The following AP1B1 variants were observed in gnomAD, a reference collection of about 807,000 sequenced individuals.
AP1B1 encodes AP-1 complex subunit beta-1.
A neutral mutation model predicts 104.3 loss-of-function variants in AP1B1; 36 were observed. The ratio of observed to expected loss-of-function variants is 0.35; its 90% CI spans 0.26 to 0.46. AP1B1 has a LOEUF of 0.46. AP1B1 is among the 20% of genes least tolerant of loss of function. AP1B1 has a pLI of 1.00. For synonymous variants in AP1B1, 504 were observed against 517.5 expected, an observed-to-expected ratio of 0.97 and a Z score of 0.35; for missense variants, 901 against 1,247.9, an observed-to-expected ratio of 0.72 and a Z score of 4.19.
chr22:29,335,635 T>A (rs991950695), intron 16 of AP1B1, among the ~76,000 whole-genome samples: 1 of 152,090 alleles, frequency 6.6e-6, no homozygotes, highest in Admixed American at 6.5e-5. Context: ...GAAATGCAAA[T>A]CTGATCATGG....
At chr22:29,371,136 G>A (rs1044244218) in intron 1 of AP1B1, among the ~76,000 whole-genome samples, 35 of 152,206 alleles carry the variant, frequency 2.3e-4, no homozygotes, top group Admixed American at 1.4e-3. Context: ...GTGATGTACT[G>A]AGGGCAGCTA....
chr22:29,372,620 A>G (rs1262342702), intron 1 of AP1B1, among the ~76,000 whole-genome samples: 1 of 152,054 alleles, frequency 6.6e-6, no homozygotes, highest in African/African-American at 2.4e-5. Context: ...AGGAAAAAAA[A>G]GGGAAGAAGA....
chr22:29,359,173 C>T (rs1393820816), intron 4 of AP1B1, among the ~76,000 whole-genome samples: 1 of 152,250 alleles, frequency 6.6e-6, no homozygotes, highest in Non-Finnish European at 1.5e-5. Flanking sequence ...ACCATCTCCT[C>T]TGATCCTCAC....
chr22:29,376,172 T>C (rs1327726425), intron 1 of AP1B1, among the ~76,000 whole-genome samples: 1 of 152,078 alleles, frequency 6.6e-6, no homozygotes, highest in African/African-American at 2.4e-5. Flanking sequence ...AGGTCTTCTG[T>C]AGGAAGGAAA....
At chr22:29,339,200 G>C in intron 15 of AP1B1, 67 bp from the exon 16 acceptor site, 1 of 1,590,012 alleles carries the variant, frequency 6.3e-7, no homozygotes, top group African/African-American at 1.3e-5. Context: ...CTGGGAATGA[G>C]TAGAGCCACC....
intron 21 of AP1B1, 64 bp from the exon 22 acceptor site, chr22:29,329,784 AC>A: frequency 1.2e-6 from 2 of 1,607,984 alleles, no homozygotes; most frequent in South Asian, 2.2e-5. Context: ...GACGGAAGTT[AC>A]CACCACCGAA....
chr22:29,351,125 G>A (rs2147981144), intron 9 of AP1B1, 46 bp downstream of exon 9: 3 of 1,550,402 alleles, frequency 1.9e-6, no homozygotes, highest in East Asian at 2.3e-5. Context: ...CCCGGTTTCA[G>A]CCCCCTTTTC....
intron 1 of AP1B1, among the ~76,000 whole-genome samples, chr22:29,382,468 A>C (rs1431717656): frequency 6.6e-6 from 1 of 152,202 alleles, no homozygotes; most frequent in African/African-American, 2.4e-5. Context: ...TGCAGGAGTG[A>C]AAGAAACAGA....
At chr22:29,338,633 G>A (rs902588738) in intron 16 of AP1B1, among the ~76,000 whole-genome samples, 2 of 152,148 alleles carry the variant, frequency 1.3e-5, no homozygotes, top group Non-Finnish European at 2.9e-5. Flanking sequence ...ATGACTAAGG[G>A]GTGCTGAGTC....
chr22:29,337,750 G>A (rs1009739551), intron 16 of AP1B1, among the ~76,000 whole-genome samples: 1 of 152,050 alleles, frequency 6.6e-6, no homozygotes, highest in African/African-American at 2.4e-5. Flanking sequence ...CCTCAGCCCC[G>A]GCTCCTCCCT....
Position 29,377,949 on chromosome 22 carries a change from C to T in AP1B1, c.-28+10475G>A, listed in dbSNP as rs905202637. The stretch of plus-strand genomic sequence containing the variant: ...GTTACACAGCTAGAAAATGGCAGTG[C>T]CGGCACTCTCCACTGCTGCCCCCTA... On this transcript the variant is annotated intron_variant, in intron 1 of 22. Transcript: ENST00000357586. Among the ~76,000 whole-genome samples the T allele has an allele frequency of 4.9e-4, 74 of 152,048 alleles. 2 individuals carry two copies. The highest frequency in any genetic ancestry group is 4.5e-3 in the Admixed American group (69 of 15,254).
At chr22:29,387,108 C>T (rs1368346676) in intron 1 of AP1B1, among the ~76,000 whole-genome samples, 8 of 152,174 alleles carry the variant, frequency 5.3e-5, no homozygotes, top group Admixed American at 5.2e-4. Flanking sequence ...CACGGATAGC[C>T]TGTTTTGTGT....
chr22:29,380,881 T>TCCA (rs2062426035), intron 1 of AP1B1, among the ~76,000 whole-genome samples: 1 of 152,164 alleles, frequency 6.6e-6, no homozygotes, highest in Non-Finnish European at 1.5e-5. Flanking sequence ...TTCTCTGTCT[T>TCCA]ACTCATAGTA....
chr22:29,349,411 G>C (rs565181511), intron 10 of AP1B1, 28 bp from the exon 11 acceptor site: 1 of 1,610,032 alleles, frequency 6.2e-7, no homozygotes, highest in African/African-American at 1.3e-5. Flanking sequence ...AGTTGGTATG[G>C]GAGCCCTCAA....
At chr22:29,329,451 G>T in intron 22 of AP1B1, 1 of 1,372,510 alleles carries the variant, frequency 7.3e-7, no homozygotes. Context: ...GCAGGGTGCA[G>T]TTAGGAAGTG....
intron 1 of AP1B1, among the ~76,000 whole-genome samples, chr22:29,384,272 T>C (rs2062485675): frequency 6.6e-6 from 1 of 152,138 alleles, no homozygotes; most frequent in African/African-American, 2.4e-5. Context: ...CCCTGCTCCG[T>C]ACCAGATTCC....
chr22:29,369,291 C>T (rs1310478237), intron 1 of AP1B1, among the ~76,000 whole-genome samples: 2 of 152,036 alleles, frequency 1.3e-5, no homozygotes, highest in East Asian at 3.8e-4. Flanking sequence ...TGGCACTGAG[C>T]AAGCCTCCCA....
intron 9 of AP1B1, among the ~76,000 whole-genome samples, chr22:29,350,636 G>A (rs909849768): frequency 1.3e-5 from 2 of 152,038 alleles, no homozygotes; most frequent in Non-Finnish European, 2.9e-5. Flanking sequence ...GGGATAGGTC[G>A]GGGGCGACCA....
chr22:29,386,782 T>G (rs2062529781), intron 1 of AP1B1, among the ~76,000 whole-genome samples: 1 of 152,210 alleles, frequency 6.6e-6, no homozygotes. Flanking sequence ...CTTTCTCATG[T>G]TGATGTCAGG....
Sources: gnomAD v4.1 joint callset for allele counts (sites outside exome capture counted in the v4.1 genomes callset) on GRCh38, gnomAD v4.1.1 for gene constraint, MANE v1.5 for transcripts, NCBI Gene and HGNC (gene_info 2026-07-23, HGNC 2026-07-21) for gene names.